The following WARS1 variants were observed in gnomAD, a reference collection of about 807,000 sequenced individuals.
WARS1 encodes tryptophanyl-tRNA synthetase 1.
Under a neutral mutation model 47.8 loss-of-function variants are expected in WARS1, and 17 were observed. The ratio of observed to expected loss-of-function variants is 0.36; its 90% CI spans 0.24 to 0.53. The LOEUF is 0.53. WARS1 is among the 20% of genes least tolerant of loss of function. WARS1 has a pLI of 0.91. For synonymous variants in WARS1, 208 were observed against 228.1 expected, an observed-to-expected ratio of 0.91 and a Z score of 0.79; for missense variants, 434 against 608.0, an observed-to-expected ratio of 0.71 and a Z score of 3.01.
At chr14:100,346,627 G>A in intron 7 of WARS1, 119 bp downstream of exon 7, 2 of 817,114 alleles carry the variant, frequency 2.4e-6, no homozygotes, top group East Asian at 2.7e-5. Flanking sequence ...CCTACTTAAA[G>A]AGACAGTTGC....
chr14:100,365,941 C>G (rs1298089613), intron 2 of WARS1: 1 of 447,698 alleles, frequency 2.2e-6, no homozygotes, highest in Non-Finnish European at 4.5e-6. Flanking sequence ...CCTTAGTGAC[C>G]TTGCGCACTT....
At chr14:100,346,300 C>T (rs1172070881) in intron 7 of WARS1, among the ~76,000 whole-genome samples, 2 of 152,268 alleles carry the variant, frequency 1.3e-5, no homozygotes, top group African/African-American at 4.8e-5. Context: ...AGCCCCTCAT[C>T]TTACATGTGG....
rs1439059149 is a variant in WARS1 at position 100,354,519 on chromosome 14, T to A, written c.470A>T (p.Tyr157Phe). The change falls in exon 5 of 11, where the codon TAT (tyrosine) becomes TTT (phenylalanine). Residue 157 changes from tyrosine to phenylalanine, a missense_variant. Transcript: ENST00000392882. ...AGAGGGGCCCCGGCCCGTGTACAGA[T>A]AAAATGGCTTCTTATTTTCATAGGC... is the stretch of plus-strand genomic sequence containing the variant. ...LDAYENKKPF[Y>F]LYTGRGPSSE... 6.2e-7 allele frequency: 1 copy of A among 1,613,934 alleles called. No individual in the cohort carries two copies. Among genetic ancestry groups the A allele is most frequent in the Admixed American group, 1.7e-5 (1 of 59,978 alleles).
At position 100,338,354 on chromosome 14, in the gene WARS1, C is replaced by T. The variant is rs570442886; in HGVS notation, c.1114-1152G>A. Among the ~76,000 whole-genome samples the T allele has an allele frequency of 3.3e-5, 5 of 152,160 alleles. No homozygotes were observed. The East Asian group carries it at 5.8e-4, about 18-fold the overall frequency. On this transcript the variant is annotated intron_variant, in intron 9 of 10. Transcript: ENST00000392882. Reference sequence around the variant, plus strand: ...GATCATGGCTCACTGCAGCCTTGACCTCCTGGTCTCAGGTTACCTTCCTGC... The same window carrying T: ...GATCATGGCTCACTGCAGCCTTGACTTCCTGGTCTCAGGTTACCTTCCTGC...
At chr14:100,339,128 C>CACACAT (rs1555377677) in intron 9 of WARS1, among the ~76,000 whole-genome samples, 3 of 139,252 alleles carry the variant, frequency 2.2e-5, no homozygotes, top group African/African-American at 7.9e-5. Flanking sequence ...CACACATACA[C>CACACAT]ACACACACAC....
intron 6 of WARS1, among the ~76,000 whole-genome samples, chr14:100,349,738 G>A (rs1894849827): frequency 6.6e-6 from 1 of 152,232 alleles, no homozygotes; most frequent in African/African-American, 2.4e-5. Flanking sequence ...CAGGAAGGCC[G>A]TTCTGGGGCC....
chr14:100,354,437 C>T lies in WARS1; in HGVS notation c.542+10G>A. 1.2e-6 allele frequency: 2 copies of T among 1,611,274 alleles called. No individual in the cohort carries two copies. The highest frequency in any genetic ancestry group is 1.7e-6 in the Non-Finnish European group (2 of 1,179,190). ...AGAGAGTAAGAAAAGCCATAAGATC[C>T]AATACTTACTTTGTGAAAATAAATG... On this transcript the variant is annotated intron_variant, in intron 5 of 10. Coordinates refer to ENST00000392882, the MANE Select transcript of WARS1 (RefSeq NM_004184.4).
rs1893536648 is a variant in WARS1, at chr14:100,333,912, A to G, written c.*963T>C. 6.5e-6 allele frequency: 1 copy of G among 152,716 alleles called. No individual in the cohort carries two copies. Among genetic ancestry groups the G allele is most frequent in the Admixed American group, 6.5e-5 (1 of 15,288 alleles). 9.5% of individuals were successfully genotyped at this position (152,716 alleles called of 1,614,324 possible). A position where few individuals can be genotyped will look rare whatever the true frequency, so the allele number is the denominator to read the frequency against. ...TGGCTTTGCTCTTCCAGGCCTGCACATGCTGCGTGATGAAATGAGGCCTGC... is the reference window on the plus strand; with the variant it reads ...TGGCTTTGCTCTTCCAGGCCTGCACGTGCTGCGTGATGAAATGAGGCCTGC... On this transcript the variant is annotated 3_prime_UTR_variant, in exon 11 of 11. Transcript: ENST00000392882.
chr14:100,343,485 AC>A (rs1894312006), intron 7 of WARS1, 98 bp from the exon 8 acceptor site: 1 of 809,370 alleles, frequency 1.2e-6, no homozygotes, highest in Non-Finnish European at 1.9e-6. Flanking sequence ...CCATTATAAA[AC>A]AATCATTAAA....
Position 100,346,608 on chromosome 14 carries a change from C to T in WARS1, c.826+138G>A, listed in dbSNP as rs2234526. 371 of 673,346 alleles carry T rather than the reference C, an allele frequency of 5.5e-4. 1 individual carries two copies. The African/African-American group carries it at 5.9e-3, about 11-fold the overall frequency. The allele number at this position is 673,346 out of a possible 1,614,324, so 41.7% of individuals were successfully genotyped here. On this transcript the variant is annotated intron_variant, in intron 7 of 10. Coordinates refer to ENST00000392882, the MANE Select transcript of WARS1 (RefSeq NM_004184.4). ...CCAGGACAACGATGACCCACCCACG[C>T]CTGGGCATCCTACTTAAAGAGACAG...
At chr14:100,348,421 C>T (rs80348423) in intron 6 of WARS1, among the ~76,000 whole-genome samples, 4,664 of 152,232 alleles carry the variant, frequency 0.031, 105 homozygotes, top group East Asian at 0.078. Flanking sequence ...GCCTAGCAGC[C>T]GGCTGAGTTT....
At chr14:100,355,723 AAGGG>A (rs1315765694) in intron 4 of WARS1, among the ~76,000 whole-genome samples, 1 of 152,202 alleles carries the variant, frequency 6.6e-6, no homozygotes, top group African/African-American at 2.4e-5. Context: ...TCCCCAAGCC[AAGGG>A]TCAACATTGC....
chr14:100,355,099 A>C (rs961261627), intron 4 of WARS1, among the ~76,000 whole-genome samples: 3 of 152,122 alleles, frequency 2.0e-5, no homozygotes, highest in African/African-American at 7.2e-5. Flanking sequence ...CTTCATCTGC[A>C]AGTCACTCAA....
At chr14:100,339,306 C>T (rs1456903684) in intron 9 of WARS1, among the ~76,000 whole-genome samples, 1 of 151,420 alleles carries the variant, frequency 6.6e-6, no homozygotes, top group Non-Finnish European at 1.5e-5. Context: ...AAGGCCCATG[C>T]GAGGGGCTGG....
At chr14:100,341,386 T>C (rs1209836027) in intron 9 of WARS1, among the ~76,000 whole-genome samples, 2 of 152,136 alleles carry the variant, frequency 1.3e-5, no homozygotes, top group Non-Finnish European at 2.9e-5. Context: ...GGAGAGTTGG[T>C]GGAGGGCATG....
At chr14:100,361,589 G>T (rs1329970560) in intron 3 of WARS1, 119 bp downstream of exon 3, 1 of 987,516 alleles carries the variant, frequency 1.0e-6, no homozygotes, top group Non-Finnish European at 1.5e-6. Flanking sequence ...TTTTTTCTTG[G>T]CATTGAAGCT....
At chr14:100,338,075 G>A (rs1893873719) in intron 9 of WARS1, among the ~76,000 whole-genome samples, 1 of 152,062 alleles carries the variant, frequency 6.6e-6, no homozygotes, top group Non-Finnish European at 1.5e-5. Context: ...GAAGTGCTGT[G>A]CAGGGAGAGG....
At chr14:100,337,281 G>A in intron 9 of WARS1, 79 bp from the exon 10 acceptor site, 2 of 1,567,942 alleles carry the variant, frequency 1.3e-6, no homozygotes, top group Non-Finnish European at 1.7e-6. Context: ...GCCCAAGTGT[G>A]GAAGTCAGAG....
At chr14:100,349,165 C>T (rs146883823) in intron 6 of WARS1, among the ~76,000 whole-genome samples, 127 of 152,300 alleles carry the variant, frequency 8.3e-4, no homozygotes, top group African/African-American at 3.0e-3. Context: ...ACAACATTTA[C>T]TGAGCACTCC....
Sources: allele counts gnomAD v4.1 joint callset (sites outside exome capture counted in the v4.1 genomes callset), GRCh38; gene constraint gnomAD v4.1.1; transcripts MANE v1.5; gene names NCBI Gene and HGNC (gene_info 2026-07-23, HGNC 2026-07-21).